ADAM12: variants seen among roughly 807,000 people sequenced by gnomAD.
ADAM12 encodes the protein ADAM metallopeptidase domain 12, also known as disintegrin and metalloproteinase domain-containing protein 12.
Under a neutral mutation model 106.4 loss-of-function variants are expected in ADAM12, and 70 were observed. That is an observed-to-expected ratio of 0.66 (90% CI 0.54 to 0.80). The LOEUF (loss-of-function observed/expected upper bound fraction) is 0.80. Among genes scored for constraint, ADAM12 ranks in the 30% least tolerant of loss-of-function variants. ADAM12 has a pLI of 0.00. For missense variants in ADAM12, 1,010 were observed against 1,171.9 expected (o/e 0.86, Z 2.02); for synonymous variants, 420 against 433.5 (o/e 0.97, Z 0.39).
intron 5 of ADAM12, among the ~76,000 whole-genome samples, chr10:126,121,250 T>C (rs1956102245): frequency 9.1e-6 from 1 of 110,310 alleles, no homozygotes; most frequent in African/African-American, 3.7e-5. Context: ...ATATAGTATA[T>C]ACATACTATA....
At chr10:126,030,454 C>CTGTT in intron 21 of ADAM12, among the ~76,000 whole-genome samples, 1 of 152,296 alleles carries the variant, frequency 6.6e-6, no homozygotes, top group Non-Finnish European at 1.5e-5. Flanking sequence ...GTGAAGGAGA[C>CTGTT]TGTTTTCCGA....
intron 5 of ADAM12, among the ~76,000 whole-genome samples, chr10:126,121,753 A>G (rs1289051134): frequency 6.6e-6 from 1 of 151,884 alleles, no homozygotes; most frequent in East Asian, 1.9e-4. Context: ...TCATCATCCT[A>G]TGCTCATTGA....
chr10:126,117,933 G>A, intron 6 of ADAM12, 105 bp downstream of exon 6: 1 of 1,313,186 alleles, frequency 7.6e-7, no homozygotes, highest in Non-Finnish European at 1.1e-6. Flanking sequence ...TCCCCCAGAT[G>A]CCGCATCATC....
intron 3 of ADAM12, among the ~76,000 whole-genome samples, chr10:126,207,569 T>C (rs1345906022): frequency 6.6e-6 from 1 of 152,234 alleles, no homozygotes; most frequent in Admixed American, 6.5e-5. Flanking sequence ...CAGGACCTTG[T>C]CTGTTACTAA....
chr10:126,075,491 C>T (rs1590374748), intron 11 of ADAM12, among the ~76,000 whole-genome samples: 1 of 151,982 alleles, frequency 6.6e-6, no homozygotes, highest in African/African-American at 2.4e-5. Flanking sequence ...TCAGTGGGGC[C>T]AACAGATAAT....
intron 3 of ADAM12, among the ~76,000 whole-genome samples, chr10:126,231,197 G>A (rs981239353): frequency 5.3e-5 from 8 of 152,080 alleles, no homozygotes; most frequent in African/African-American, 1.2e-4. Flanking sequence ...ACTAGAGGCC[G>A]AGGTTTGCCA....
intron 3 of ADAM12, among the ~76,000 whole-genome samples, chr10:126,236,623 G>A (rs913635512): frequency 4.6e-5 from 7 of 151,960 alleles, no homozygotes; most frequent in African/African-American, 1.7e-4. Context: ...AGCACCCACA[G>A]GAAGGAGCAC....
At chr10:126,192,954 A>G (rs538515010) in intron 3 of ADAM12, among the ~76,000 whole-genome samples, 4 of 152,304 alleles carry the variant, frequency 2.6e-5, no homozygotes, top group Admixed American at 6.5e-5. Flanking sequence ...ATGGATTTTT[A>G]ATTTTTTAAT....
intron 3 of ADAM12, among the ~76,000 whole-genome samples, chr10:126,261,657 T>A (rs1959003408): frequency 6.6e-6 from 1 of 152,126 alleles, no homozygotes; most frequent in Non-Finnish European, 1.5e-5. Context: ...GTTAAATGAA[T>A]AAGCAAATGA....
chr10:126,281,130 C>A (rs375703674), intron 2 of ADAM12, among the ~76,000 whole-genome samples: 1 of 152,036 alleles, frequency 6.6e-6, no homozygotes, highest in African/African-American at 2.4e-5. Flanking sequence ...GTAATATGTA[C>A]CCATTAATTA....
chr10:126,359,239 T>C (rs1176542394), intron 1 of ADAM12, among the ~76,000 whole-genome samples: 4 of 152,186 alleles, frequency 2.6e-5, no homozygotes, highest in African/African-American at 9.7e-5. Context: ...AACCCTATCA[T>C]TCTGCCCCTG....
At chr10:126,248,685 G>GTATTTATT (rs141233066) in intron 3 of ADAM12, among the ~76,000 whole-genome samples, 789 of 67,062 alleles carry the variant, frequency 0.012, 13 homozygotes, top group African/African-American at 0.039. Context: ...ATGTATGTAT[G>GTATTTATT]TATTTATTTA....
chr10:126,135,935 C>T (rs1956397379), intron 4 of ADAM12, among the ~76,000 whole-genome samples: 1 of 152,202 alleles, frequency 6.6e-6, no homozygotes, highest in African/African-American at 2.4e-5. Context: ...TGATACAGAA[C>T]GTTTTACAAA....
chr10:126,278,898 A>G lies in ADAM12; in HGVS notation c.260+17T>C, dbSNP rs777825798. The G allele has an allele frequency of 3.7e-5, 59 of 1,584,230 alleles. No homozygotes were observed. The highest frequency in any genetic ancestry group is 4.8e-5 in the Non-Finnish European group (56 of 1,156,184). On this transcript the variant is annotated intron_variant, in intron 3 of 22. Coordinates refer to ENST00000448723, the MANE Select transcript of ADAM12 (RefSeq NM_001288973.2). ...CTTAACTTTCTCCTATCATGCAATAAACAAGAATTAACTTACTCATTTCTT... is the reference window on the plus strand; with the variant it reads ...CTTAACTTTCTCCTATCATGCAATAGACAAGAATTAACTTACTCATTTCTT...
At chr10:126,200,730 G>A (rs1957683173) in intron 3 of ADAM12, among the ~76,000 whole-genome samples, 1 of 152,192 alleles carries the variant, frequency 6.6e-6, no homozygotes, top group Non-Finnish European at 1.5e-5. Context: ...AGCTCTAAAT[G>A]GTTCAGAATG....
At chr10:126,080,281 G>A (rs1295954107) in intron 11 of ADAM12, among the ~76,000 whole-genome samples, 7 of 152,098 alleles carry the variant, frequency 4.6e-5, no homozygotes, top group South Asian at 2.1e-4. Flanking sequence ...ACAGCCCCTC[G>A]TCTGTGGTTA....
chr10:126,296,569 A>G (rs778436534), intron 2 of ADAM12, among the ~76,000 whole-genome samples: 1 of 152,208 alleles, frequency 6.6e-6, no homozygotes, highest in Admixed American at 6.5e-5. Context: ...CCACGTGGTT[A>G]CAGACCAGCC....
intron 2 of ADAM12, among the ~76,000 whole-genome samples, chr10:126,290,002 C>T (rs1235851660): frequency 6.6e-6 from 1 of 152,100 alleles, no homozygotes. Flanking sequence ...GGGACCTCAC[C>T]CTGGATTATT....
At chr10:126,031,196 C>T (rs1254927185) in intron 21 of ADAM12, among the ~76,000 whole-genome samples, 1 of 152,228 alleles carries the variant, frequency 6.6e-6, no homozygotes, top group Non-Finnish European at 1.5e-5. Flanking sequence ...TGTGTAGCAA[C>T]AGAAGCTCTC....
Sources: gnomAD v4.1 joint callset for allele counts (sites outside exome capture counted in the v4.1 genomes callset) on GRCh38, gnomAD v4.1.1 for gene constraint, MANE v1.5 for transcripts, NCBI Gene and HGNC (gene_info 2026-07-23, HGNC 2026-07-21) for gene names.